The following CSGALNACT1 variants were observed in gnomAD, a reference collection of about 807,000 sequenced individuals.
CSGALNACT1 encodes the protein chondroitin sulfate N-acetylgalactosaminyltransferase 1.
In CSGALNACT1, 52 loss-of-function variants were observed where a neutral mutation model predicts 51.0. The observed-to-expected ratio is 1.02, with a 90% confidence interval of 0.82 to 1.29. The LOEUF is 1.29. Ranked by LOEUF, CSGALNACT1 falls within the 50% of genes most tolerant of loss-of-function variation. CSGALNACT1 has a pLI of 0.00. For synonymous variants in CSGALNACT1, 341 were observed against 254.4 expected (o/e 1.34, Z -3.24); for missense variants, 935 against 679.2 (o/e 1.38, Z -4.19).
intron 3 of CSGALNACT1, among the ~76,000 whole-genome samples, chr8:19,550,839 G>C (rs1056649548): frequency 3.9e-5 from 6 of 152,154 alleles, no homozygotes; most frequent in African/African-American, 1.4e-4. Context: ...ATTCCATACA[G>C]ATTTTCACAG....
chr8:19,581,689 A>G (rs2154122612), intron 3 of CSGALNACT1, among the ~76,000 whole-genome samples: 1 of 152,368 alleles, frequency 6.6e-6, no homozygotes, highest in South Asian at 2.1e-4. Context: ...TCTAACTCCT[A>G]GAATGAACAT....
intron 1 of CSGALNACT1, among the ~76,000 whole-genome samples, chr8:19,744,032 A>G (rs1173146971): frequency 6.6e-6 from 1 of 152,244 alleles, no homozygotes; most frequent in Non-Finnish European, 1.5e-5. Context: ...TCTGAATGGT[A>G]ATGCCAGGCT....
intron 1 of CSGALNACT1, among the ~76,000 whole-genome samples, chr8:19,695,846 G>T (rs1314289064): frequency 6.6e-6 from 1 of 152,076 alleles, no homozygotes; most frequent in East Asian, 1.9e-4. Flanking sequence ...AAATGATCCA[G>T]CCAAACAACA....
chr8:19,475,288 G>A (rs1194175181), intron 4 of CSGALNACT1, among the ~76,000 whole-genome samples: 1 of 152,192 alleles, frequency 6.6e-6, no homozygotes, highest in African/African-American at 2.4e-5. Flanking sequence ...ACCTGAAGCT[G>A]AAGGGCCAAG....
At chr8:19,475,828 C>G (rs1369983943) in intron 4 of CSGALNACT1, among the ~76,000 whole-genome samples, 1 of 152,130 alleles carries the variant, frequency 6.6e-6, no homozygotes. Flanking sequence ...AAGCAATGGC[C>G]TTACAGAGAC....
In CSGALNACT1 at chr8:19,610,928, G is replaced by A. The variant is rs554510839; in HGVS notation, c.-543-9063C>T. ...GTAGCACATGCCCACTGCGGCTTCC[G>A]GAGCTGTCAACGTCCACCCCGAGAC... On this transcript the variant is annotated intron_variant, in intron 1 of 9. Transcript: ENST00000332246. Among the ~76,000 whole-genome samples the A allele has an allele frequency of 3.3e-5, 5 of 152,330 alleles. No individual in the cohort carries two copies. In the South Asian group the frequency reaches 8.3e-4, roughly 25 times the overall value.
At chr8:19,726,823 G>T (rs1169645097) in intron 1 of CSGALNACT1, among the ~76,000 whole-genome samples, 2 of 152,168 alleles carry the variant, frequency 1.3e-5, no homozygotes, top group African/African-American at 4.8e-5. Context: ...AACAGGAACG[G>T]ATTCTGACTA....
Position 19,574,399 on chromosome 8 carries a change from C to CAT in CSGALNACT1, c.-297+16759_-297+16760dup, listed in dbSNP as rs1346075276. Among the ~76,000 whole-genome samples, 17 of 152,344 alleles carry CAT rather than the reference C, an allele frequency of 1.1e-4. No homozygotes were observed. The East Asian group carries it at 3.3e-3, about 29-fold the overall frequency. On this transcript the variant is annotated intron_variant, in intron 3 of 9. Transcript: ENST00000454498. ...TGCCATCCATTTCCAGCCTCTTGCT[C>CAT]ATAGGGTTCCTCCATGCAGCCCAGT... is the stretch of plus-strand genomic sequence containing the variant.
At chr8:19,425,302 T>C (rs1458153678) in intron 6 of CSGALNACT1, among the ~76,000 whole-genome samples, 6 of 152,246 alleles carry the variant, frequency 3.9e-5, no homozygotes, top group South Asian at 2.1e-4. Context: ...GATCGTGCCA[T>C]TGTGCTCTAA....
chr8:19,644,409 A>C (rs1440631919), intron 1 of CSGALNACT1, among the ~76,000 whole-genome samples: 4 of 151,462 alleles, frequency 2.6e-5, no homozygotes, highest in Non-Finnish European at 5.9e-5. Flanking sequence ...CCTCTCAAAA[A>C]AAAAAAAAGG....
chr8:19,499,057 A>G (rs991638817), intron 4 of CSGALNACT1, among the ~76,000 whole-genome samples: 11 of 152,188 alleles, frequency 7.2e-5, no homozygotes, highest in African/African-American at 2.4e-4. Flanking sequence ...TGAGGCTACA[A>G]TGAGCCATGA....
At chr8:19,587,520 T>C (rs890353531) in intron 3 of CSGALNACT1, among the ~76,000 whole-genome samples, 5 of 152,132 alleles carry the variant, frequency 3.3e-5, no homozygotes, top group African/African-American at 1.2e-4. Flanking sequence ...ACCTAAGTCA[T>C]GACTAATAAC....
intron 2 of CSGALNACT1, among the ~76,000 whole-genome samples, chr8:19,598,776 A>G (rs1338041896): frequency 6.6e-6 from 1 of 152,202 alleles, no homozygotes; most frequent in Non-Finnish European, 1.5e-5. Flanking sequence ...GCAAACAATA[A>G]TGACAATGCA....
intron 3 of CSGALNACT1, among the ~76,000 whole-genome samples, chr8:19,536,249 CAG>C (rs952003188): frequency 4.6e-5 from 7 of 152,104 alleles, no homozygotes; most frequent in East Asian, 1.9e-4. Context: ...ATGTTGTTAA[CAG>C]GGGAGGCTAC....
At chr8:19,743,740 G>A (rs949009942) in intron 1 of CSGALNACT1, among the ~76,000 whole-genome samples, 28 of 152,168 alleles carry the variant, frequency 1.8e-4, no homozygotes, top group Admixed American at 3.9e-4. Flanking sequence ...GCAACTTTAA[G>A]ATGGCTCCAT....
At chr8:19,702,295 CAGA>C (rs2061923768) in intron 1 of CSGALNACT1, among the ~76,000 whole-genome samples, 1 of 152,002 alleles carries the variant, frequency 6.6e-6, no homozygotes, top group Non-Finnish European at 1.5e-5. Context: ...GAGGCTGAGG[CAGA>C]AGGATTCCTT....
intron 4 of CSGALNACT1, among the ~76,000 whole-genome samples, chr8:19,469,760 G>C (rs1364298660): frequency 6.6e-6 from 1 of 152,108 alleles, no homozygotes; most frequent in East Asian, 1.9e-4. Context: ...GACACTCTCT[G>C]TTACCTTTTC....
intron 3 of CSGALNACT1, among the ~76,000 whole-genome samples, chr8:19,536,151 A>C (rs1451966895): frequency 6.6e-6 from 1 of 152,216 alleles, no homozygotes; most frequent in African/African-American, 2.4e-5. Flanking sequence ...TATGACACTT[A>C]ATTGCATAAT....
intron 3 of CSGALNACT1, among the ~76,000 whole-genome samples, chr8:19,555,810 G>A (rs1311090611): frequency 6.6e-6 from 1 of 152,080 alleles, no homozygotes; most frequent in African/African-American, 2.4e-5. Context: ...CTTGTCTTGT[G>A]GGAAATATTC....
Sources: gnomAD v4.1 joint callset for allele counts (sites outside exome capture counted in the v4.1 genomes callset) on GRCh38, gnomAD v4.1.1 for gene constraint, MANE v1.5 for transcripts, NCBI Gene and HGNC (gene_info 2026-07-23, HGNC 2026-07-21) for gene names.